Variants in SMARCC1 observed in about 807,000 individuals in gnomAD.
SMARCC1 encodes SWI/SNF complex subunit SMARCC1.
A neutral mutation model predicts 147.4 loss-of-function variants in SMARCC1; 43 were observed. The ratio of observed to expected loss-of-function variants is 0.29; its 90% CI spans 0.23 to 0.38. SMARCC1 has a LOEUF of 0.38. SMARCC1 is among the 10% of genes least tolerant of loss of function. The probability of loss-of-function intolerance (pLI) is 1.00; values close to 1 mark genes in which losing one functional copy is unlikely to be tolerated. For missense variants in SMARCC1, 1,119 were observed against 1,381.1 expected (o/e 0.81, Z 3.01); for synonymous variants, 495 against 484.4 (o/e 1.02, Z -0.29).
chr3:47,670,823 T>C (rs1481948857), intron 18 of SMARCC1, 106 bp from the exon 19 acceptor site: 5 of 751,244 alleles, frequency 6.7e-6, no homozygotes, highest in African/African-American at 1.7e-5. Context: ...CAAACTATCA[T>C]GGTAAGTCTT....
chr3:47,764,106 T>C (rs1342218538), intron 2 of SMARCC1, among the ~76,000 whole-genome samples: 1 of 152,128 alleles, frequency 6.6e-6, no homozygotes. Flanking sequence ...AGTACTACTG[T>C]AACTCATGGC....
Position 47,738,092 on chromosome 3 carries a change from C to G in SMARCC1, c.420G>C (p.Gln140His), listed in dbSNP as rs1358281155. The G allele has an allele frequency of 6.3e-7, 1 of 1,581,438 alleles. No homozygotes were observed. The change falls in exon 4 of 28, where the codon CAG becomes CAC. Residue 140 changes from glutamine (Q) to histidine (H), a missense_variant. Physicochemically the swap from Gln to His is conservative, Grantham distance 24 (BLOSUM62 0). This residue lies in a region of SMARCC1 where 542 missense variants were observed against 611.8 expected (regional missense o/e 0.89). Coordinates refer to ENST00000254480, the MANE Select transcript of SMARCC1 (RefSeq NM_003074.4). The part of the protein sequence containing the change: ...NEQGWRRFDL[Q>H]NPSRMDRNVE... ...CATTACGATCCATTCGAGATGGGTTCTGTAGGTCAAACCTCCGCCTAAAAA... is the reference window on the plus strand; with the variant it reads ...CATTACGATCCATTCGAGATGGGTTGTGTAGGTCAAACCTCCGCCTAAAAA...
At chr3:47,624,894 T>TAAA (rs60766054) in intron 24 of SMARCC1, among the ~76,000 whole-genome samples, 8 of 111,742 alleles carry the variant, frequency 7.2e-5, no homozygotes, top group South Asian at 2.9e-4. Flanking sequence ...TACTAAAAAT[T>TAAA]AAAAAAAAAA....
intron 7 of SMARCC1, among the ~76,000 whole-genome samples, chr3:47,718,756 C>T (rs2034193021): frequency 6.6e-6 from 1 of 151,576 alleles, no homozygotes; most frequent in Admixed American, 6.6e-5. Flanking sequence ...ACTGACTAGA[C>T]CTGTAGAAAA....
Position 47,642,117 on chromosome 3 carries a change from TAA to T in SMARCC1, c.2321-3339_2321-3338del, listed in dbSNP as rs928588975. Among the ~76,000 whole-genome samples, 10 of 151,938 alleles carry T rather than the reference TAA, an allele frequency of 6.6e-5. No homozygotes were observed. The South Asian group carries it at 1.2e-3, about 19-fold the overall frequency. Reference sequence around the variant, plus strand: ...AAAATCAAGGACTTCTCCTCTTCATTAAAAGACTCCAAAAAAAAGAAGAAAGA... The same window carrying T: ...AAAATCAAGGACTTCTCCTCTTCATTAAGACTCCAAAAAAAAGAAGAAAGA... On this transcript the variant is annotated intron_variant, in intron 21 of 27. Transcript: ENST00000254480.
intron 24 of SMARCC1, 108 bp downstream of exon 24, chr3:47,635,082 C>T (rs767816372): frequency 3.5e-5 from 32 of 926,448 alleles, no homozygotes; most frequent in Non-Finnish European, 5.0e-5. Context: ...AAGCAGTCAT[C>T]TCCTATTGGG....
chr3:47,625,164 T>TA (rs2032789968), intron 24 of SMARCC1, among the ~76,000 whole-genome samples: 1 of 150,998 alleles, frequency 6.6e-6, no homozygotes, highest in African/African-American at 2.4e-5. Flanking sequence ...TTTTTTTTTT[T>TA]AAAGACAGAG....
At chr3:47,614,410 A>G (rs2032608479) in intron 25 of SMARCC1, among the ~76,000 whole-genome samples, 1 of 152,226 alleles carries the variant, frequency 6.6e-6, no homozygotes, top group Non-Finnish European at 1.5e-5. Flanking sequence ...GCAAATGTTG[A>G]ACAATAGATT....
Position 47,661,371 on chromosome 3 carries a change from G to T in SMARCC1, c.2243C>A (p.Ser748Tyr). ...ACCGTAGGTGGGATCCACTTTCCCAGAGGCTCGTGCTGCTTCTTGTACTTT... is the reference window on the plus strand; with the variant it reads ...ACCGTAGGTGGGATCCACTTTCCCATAGGCTCGTGCTGCTTCTTGTACTTT... Reference protein sequence around the residue: ...VKKVQEAARASGKVDPTYGLE... With the variant: ...VKKVQEAARAYGKVDPTYGLE... Residue 748 changes from serine (S) to tyrosine (Y), a missense_variant, in exon 21 of 28, where the codon TCT (serine) becomes TAT (tyrosine). Ser to Tyr is a moderately radical substitution (Grantham distance 144, BLOSUM62 -2). This residue lies in a region of SMARCC1 where 157 missense variants were observed against 158.6 expected (regional missense o/e 0.99). Coordinates refer to ENST00000254480, the MANE Select transcript of SMARCC1 (RefSeq NM_003074.4). 1 of 1,613,954 alleles carries T rather than the reference G, an allele frequency of 6.2e-7. No homozygotes were observed. Among genetic ancestry groups the T allele is most frequent in the Non-Finnish European group, 8.5e-7 (1 of 1,179,916 alleles).
chr3:47,641,212 C>T (rs1448068345), intron 21 of SMARCC1, among the ~76,000 whole-genome samples: 2 of 152,176 alleles, frequency 1.3e-5, no homozygotes, highest in African/African-American at 4.8e-5. Context: ...TTAGGCTGGC[C>T]GTGGTGGCTC....
At chr3:47,675,923 G>A (rs1459327603) in intron 17 of SMARCC1, among the ~76,000 whole-genome samples, 1 of 147,160 alleles carries the variant, frequency 6.8e-6, no homozygotes, top group East Asian at 2.0e-4. Context: ...CCAGCCGGGG[G>A]AACAGTGCAA....
chr3:47,733,324 T>C lies in SMARCC1; in HGVS notation c.576+2710A>G, dbSNP rs542034239. Among the ~76,000 whole-genome samples, 5 of 152,204 alleles carry C rather than the reference T, an allele frequency of 3.3e-5. No individual in the cohort carries two copies. In the South Asian group the frequency reaches 1.0e-3, roughly 32 times the overall value. On this transcript the variant is annotated intron_variant, in intron 5 of 27. Coordinates refer to ENST00000254480, the MANE Select transcript of SMARCC1 (RefSeq NM_003074.4). ...CGGGTTCTGCGGCTCACGCCTGCAATCCCAGCACTTTGGGAGGCCGAGGTA... is the reference window on the plus strand; with the variant it reads ...CGGGTTCTGCGGCTCACGCCTGCAACCCCAGCACTTTGGGAGGCCGAGGTA...
At chr3:47,711,583 T>C (rs2034085480) in intron 8 of SMARCC1, among the ~76,000 whole-genome samples, 2 of 152,174 alleles carry the variant, frequency 1.3e-5, no homozygotes. Flanking sequence ...CAAGAACAGA[T>C]TACAATTATG....
intron 24 of SMARCC1, among the ~76,000 whole-genome samples, chr3:47,633,447 A>G (rs2032919424): frequency 1.3e-5 from 2 of 152,020 alleles, no homozygotes; most frequent in South Asian, 2.1e-4. Flanking sequence ...CTAGCTCCTC[A>G]TTTATAATGC....
chr3:47,716,433 A>AC (rs1327785977), intron 7 of SMARCC1, among the ~76,000 whole-genome samples: 2 of 151,222 alleles, frequency 1.3e-5, no homozygotes, highest in African/African-American at 4.9e-5. Context: ...AAAAAAAAAA[A>AC]AAAAAACCCA....
intron 2 of SMARCC1, among the ~76,000 whole-genome samples, chr3:47,771,673 G>C (rs570167432): frequency 2.7e-4 from 41 of 152,254 alleles, no homozygotes; most frequent in Admixed American, 1.2e-3. Flanking sequence ...GAACCCGGGA[G>C]GCAGAGGTTG....
At chr3:47,669,636 C>CA (rs1045314285) in intron 19 of SMARCC1, among the ~76,000 whole-genome samples, 5 of 150,780 alleles carry the variant, frequency 3.3e-5, no homozygotes, top group South Asian at 2.1e-4. Flanking sequence ...AAAATAGAGG[C>CA]AAAAAAACAC....
chr3:47,732,253 A>C (rs2034383280), intron 5 of SMARCC1, among the ~76,000 whole-genome samples: 1 of 152,198 alleles, frequency 6.6e-6, no homozygotes, highest in African/African-American at 2.4e-5. Flanking sequence ...CAGCCTTCAC[A>C]GAATTGAAGA....
intron 22 of SMARCC1, among the ~76,000 whole-genome samples, chr3:47,637,459 C>G (rs2032986075): frequency 6.6e-6 from 1 of 152,142 alleles, no homozygotes; most frequent in African/African-American, 2.4e-5. Context: ...TACCTGTAAT[C>G]CCAACACTTT....
Sources: allele counts gnomAD v4.1 joint callset (sites outside exome capture counted in the v4.1 genomes callset), GRCh38; gene constraint gnomAD v4.1.1; regional missense constraint gnomAD v4.1.1; transcripts MANE v1.5; gene names NCBI Gene and HGNC (gene_info 2026-07-23, HGNC 2026-07-21).